The following ATL2 variants were observed in gnomAD, a reference collection of about 807,000 sequenced individuals.
The protein encoded by ATL2 is atlastin GTPase 2.
A neutral mutation model predicts 73.9 loss-of-function variants in ATL2; 31 were observed. The observed-to-expected ratio is 0.42, with a 90% CI of 0.32 to 0.57. The LOEUF is 0.57. Ranked by LOEUF, ATL2 falls within the 20% of genes least tolerant of loss-of-function variation. The pLI, the probability that ATL2 is intolerant of heterozygous loss-of-function variation, is 0.14. For synonymous variants in ATL2, 291 were observed against 237.5 expected (o/e 1.23, Z -2.07); for missense variants, 738 against 702.6 (o/e 1.05, Z -0.57).
intron 3 of ATL2, 38 bp from the exon 4 acceptor site, chr2:38,318,677 T>G (rs767494260): frequency 4.0e-6 from 6 of 1,497,230 alleles, no homozygotes; most frequent in African/African-American, 1.4e-5. Context: ...AGTAAAACAG[T>G]TGCCAAAAAT....
intron 1 of ATL2, among the ~76,000 whole-genome samples, chr2:38,350,950 T>A (rs1278007879): frequency 2.6e-5 from 4 of 152,156 alleles, no homozygotes; most frequent in Non-Finnish European, 5.9e-5. Context: ...AATAAAAAAG[T>A]GCTACAAATC....
In ATL2 at chr2:38,296,001, G is replaced by T. The variant is rs1237606778; in HGVS notation, c.1745C>A (p.Thr582Lys). 4 of 1,547,816 alleles carry T rather than the reference G, an allele frequency of 2.6e-6. No homozygotes were observed. The Admixed American group carries it at 7.9e-5, about 30-fold the overall frequency. The change falls in exon 13 of 13, where the codon ACA (threonine) becomes AAA (lysine). Residue 582 changes from threonine to lysine, a missense_variant. Thr to Lys is a moderately conservative substitution (Grantham distance 78). Coordinates refer to ENST00000378954, the MANE Select transcript of ATL2 (RefSeq NM_001135673.4). ...CCGTGAGGAGATGAACTGTCAGTCT[G>T]TCTTTAATCTGGCATGATGAGACAC... is the stretch of plus-strand genomic sequence containing the variant. ...DQVSHHARLK[T>K]D
intron 1 of ATL2, chr2:38,376,315 CA>C: frequency 8.0e-7 from 1 of 1,256,290 alleles, no homozygotes; most frequent in Non-Finnish European, 1.0e-6. Context: ...TTCGAGGGGG[CA>C]GGGGCGCTCC....
intron 3 of ATL2, 66 bp downstream of exon 3, chr2:38,318,819 G>A: frequency 1.9e-6 from 3 of 1,538,748 alleles, no homozygotes; most frequent in Non-Finnish European, 2.7e-6. Context: ...GTGTTGTTTT[G>A]ATTTTTAATA....
chr2:38,313,189 A>G lies in ATL2; in HGVS notation c.766T>C (p.Leu256=). Residue 256 remains leucine, a synonymous_variant, in exon 7 of 13, where the codon TTG becomes CTG. Transcript: ENST00000378954. The part of the protein sequence containing the change: ...WSYPYEHSYG[L]EGGKQFLEKR... Reference sequence around the variant, plus strand: ...TCAAGAAATTGCTTTCCACCTTCCAAACCATATGAATGTTCATAAGGATAG... The same window carrying G: ...TCAAGAAATTGCTTTCCACCTTCCAGACCATATGAATGTTCATAAGGATAG... 1 of 1,613,672 alleles carries G rather than the reference A, an allele frequency of 6.2e-7. No individual in the cohort carries two copies. The highest frequency in any genetic ancestry group is 8.5e-7 in the Non-Finnish European group (1 of 1,179,680).
intron 2 of ATL2, among the ~76,000 whole-genome samples, chr2:38,322,741 G>A (rs775288969): frequency 8.5e-5 from 13 of 152,086 alleles, no homozygotes; most frequent in Non-Finnish European, 1.5e-4. Flanking sequence ...GAAGCTGAGT[G>A]TGGTGGCTAC....
At chr2:38,330,100 G>C (rs1027961641) in intron 2 of ATL2, among the ~76,000 whole-genome samples, 2 of 151,328 alleles carry the variant, frequency 1.3e-5, no homozygotes. Flanking sequence ...CTGCACTCCA[G>C]CCTGGGTGAC....
intron 2 of ATL2, among the ~76,000 whole-genome samples, chr2:38,339,126 T>C (rs1048068277): frequency 6.6e-6 from 1 of 151,950 alleles, no homozygotes; most frequent in African/African-American, 2.4e-5. Flanking sequence ...TGAGGCGAGA[T>C]AATCGCTTGA....
At position 38,318,298 on chromosome 2, in the gene ATL2, T is replaced by C. The variant is rs1306085692; in HGVS notation, c.603+237A>G. 4.4e-5 allele frequency: 14 copies of C among 318,788 alleles called. No homozygotes were observed. The East Asian group carries it at 6.1e-4, about 14-fold the overall frequency. The allele number at this position is 318,788 out of a possible 1,614,324, so 19.7% of individuals were successfully genotyped here. A position where few individuals can be genotyped will look rare whatever the true frequency, so the allele number is the denominator to read the frequency against. On this transcript the variant is annotated intron_variant, in intron 4 of 12. Transcript: ENST00000378954. The stretch of plus-strand genomic sequence containing the variant: ...TTCGAGACCAGCCTGCCCAACGTGG[T>C]GAAACCCGTCTCTACTAAAAATACA...
intron 1 of ATL2, among the ~76,000 whole-genome samples, chr2:38,355,737 T>G (rs1043664950): frequency 6.6e-6 from 1 of 150,772 alleles, no homozygotes; most frequent in African/African-American, 2.4e-5. Flanking sequence ...TCTCGCTCTG[T>G]CACCCAGGCT....
intron 1 of ATL2, among the ~76,000 whole-genome samples, chr2:38,368,798 AAAG>A (rs984200349): frequency 6.6e-6 from 1 of 152,224 alleles, no homozygotes; most frequent in African/African-American, 2.4e-5. Context: ...CAATTAATAA[AAAG>A]AAGTCAGAGC....
At position 38,318,903 on chromosome 2, in the gene ATL2, G is replaced by C; in HGVS notation, c.480C>G (p.Asp160Glu). 1 of 1,613,698 alleles carries C rather than the reference G, an allele frequency of 6.2e-7. No homozygotes were observed. Among genetic ancestry groups the C allele is most frequent in the East Asian group, 2.2e-5 (1 of 44,866 alleles). The change falls in exon 3 of 13, where the codon GAC (aspartate) becomes GAG (glutamate). Residue 160 changes from aspartate to glutamate, a missense_variant. Coordinates refer to ENST00000378954, the MANE Select transcript of ATL2 (RefSeq NM_001135673.4). ...IQVWNEVFVIDRPNGTKVAVL... is the reference protein window; with the variant it reads ...IQVWNEVFVIERPNGTKVAVL... ...ATTTTACTTTAGTTCCATTAGGTCTGTCAATCACAAATACTTCATTCCAAA... is the reference window on the plus strand; with the variant it reads ...ATTTTACTTTAGTTCCATTAGGTCTCTCAATCACAAATACTTCATTCCAAA...
At position 38,298,446 on chromosome 2, in the gene ATL2, A is replaced by G. The variant is rs147584252; in HGVS notation, c.1330T>C (p.Tyr444His). 58 of 1,614,084 alleles carry G rather than the reference A, an allele frequency of 3.6e-5. No individual in the cohort carries two copies. The highest frequency in any genetic ancestry group is 1.6e-4 in the Middle Eastern group (1 of 6,084). Residue 444 changes from tyrosine (Y) to histidine (H), a missense_variant, in exon 12 of 13, where the codon TAT (tyrosine) becomes CAT (histidine). Transcript: ENST00000378954. ...ATTTCAGCTTCAAGCTGGTCCTGATAACGACGGCAGAACTCATCTCCACCC... is the reference window on the plus strand; with the variant it reads ...ATTTCAGCTTCAAGCTGGTCCTGATGACGACGGCAGAACTCATCTCCACCC... ...KMGGDEFCRR[Y>H]QDQLEAEIEE...
chr2:38,365,407 C>T (rs894332200), intron 1 of ATL2, among the ~76,000 whole-genome samples: 4 of 152,240 alleles, frequency 2.6e-5, no homozygotes, highest in Admixed American at 6.5e-5. Context: ...GTAATCCCAG[C>T]ACTTTGGGAG....
chr2:38,354,110 T>G (rs554820499), intron 1 of ATL2: 12 of 401,530 alleles, frequency 3.0e-5, no homozygotes, highest in South Asian at 2.1e-4. Flanking sequence ...AGGAATCACT[T>G]GAACCCGGGA....
chr2:38,363,805 G>A (rs759474580), intron 1 of ATL2, among the ~76,000 whole-genome samples: 4 of 152,120 alleles, frequency 2.6e-5, no homozygotes, highest in Non-Finnish European at 4.4e-5. Context: ...TACTCTTAAC[G>A]GTTCTAACAC....
intron 9 of ATL2, among the ~76,000 whole-genome samples, chr2:38,305,159 G>C (rs1667382225): frequency 6.6e-6 from 1 of 152,164 alleles, no homozygotes; most frequent in Non-Finnish European, 1.5e-5. Context: ...AATTCAGCAA[G>C]AGGATATAAC....
At chr2:38,343,910 C>A (rs1403895492) in intron 1 of ATL2, among the ~76,000 whole-genome samples, 1 of 152,142 alleles carries the variant, frequency 6.6e-6, no homozygotes, top group Non-Finnish European at 1.5e-5. Context: ...CATCTGCCAC[C>A]ATGTGAGATG....
chr2:38,315,033 C>G (rs1283059056), intron 5 of ATL2, among the ~76,000 whole-genome samples: 1 of 152,182 alleles, frequency 6.6e-6, no homozygotes, highest in African/African-American at 2.4e-5. Flanking sequence ...GGGCGGATCA[C>G]CCAAGGTTAG....
Sources: gnomAD v4.1 joint callset for allele counts (sites outside exome capture counted in the v4.1 genomes callset) on GRCh38, gnomAD v4.1.1 for gene constraint, MANE v1.5 for transcripts, NCBI Gene and HGNC (gene_info 2026-07-23, HGNC 2026-07-21) for gene names.